The following TDRP variants were observed in gnomAD, a reference collection of about 807,000 sequenced individuals.
The protein encoded by TDRP is testis development related protein, also known as testis development-related protein.
Under a neutral mutation model 10.5 loss-of-function variants are expected in TDRP, and 12 were observed. The observed-to-expected ratio is 1.15, with a 90% CI of 0.73 to 1.86. TDRP has a LOEUF of 1.86. Ranked by LOEUF, TDRP falls within the 40% of genes most tolerant of loss-of-function variation. The probability of loss-of-function intolerance (pLI) is 0.00; values close to 1 mark genes in which losing one functional copy is unlikely to be tolerated. For missense variants in TDRP, 353 were observed against 229.2 expected (o/e 1.54, Z -3.49); for synonymous variants, 139 against 95.4 (o/e 1.46, Z -2.67).
At chr8:514,263 G>A (rs567761401) in intron 1 of TDRP, among the ~76,000 whole-genome samples, 2 of 152,330 alleles carry the variant, frequency 1.3e-5, no homozygotes, top group African/African-American at 4.8e-5. Flanking sequence ...ATCAATGACA[G>A]ATGAATGGAA....
At chr8:532,413 C>G (rs1320254210) in intron 1 of TDRP, among the ~76,000 whole-genome samples, 1 of 152,196 alleles carries the variant, frequency 6.6e-6, no homozygotes, top group Non-Finnish European at 1.5e-5. Flanking sequence ...TCACACAGTT[C>G]TTGCTGACTA....
chr8:544,569 TC>T, intron 1 of TDRP, 80 bp downstream of exon 1: 1 of 993,506 alleles, frequency 1.0e-6, no homozygotes, highest in Non-Finnish European at 1.3e-6. Flanking sequence ...TACCCGCACC[TC>T]CACCTGCGCG....
intron 1 of TDRP, among the ~76,000 whole-genome samples, chr8:503,904 C>T (rs1478265308): frequency 2.0e-5 from 3 of 149,766 alleles, no homozygotes; most frequent in South Asian, 2.1e-4. Context: ...AACCCACCCC[C>T]ACCTCAGCAC....
intron 1 of TDRP, among the ~76,000 whole-genome samples, chr8:540,012 AT>A (rs1489847755): frequency 6.6e-6 from 1 of 152,248 alleles, no homozygotes; most frequent in East Asian, 1.9e-4. Flanking sequence ...TTAGAAAGCC[AT>A]TAGTTAAGCC....
At chr8:512,648 CAAG>C (rs1801650156) in intron 1 of TDRP, among the ~76,000 whole-genome samples, 1 of 151,346 alleles carries the variant, frequency 6.6e-6, no homozygotes, top group African/African-American at 2.4e-5. Context: ...AAAACTGACT[CAAG>C]AAGAAACACA....
At chr8:492,806 A>T in intron 2 of TDRP, 62 bp from the exon 3 acceptor site, 1 of 1,258,408 alleles carries the variant, frequency 7.9e-7, no homozygotes, top group East Asian at 2.4e-5. Flanking sequence ...AGCTTTATCC[A>T]TTTTACAAAC....
At chr8:544,551 C>G in intron 1 of TDRP, 99 bp downstream of exon 1, 1 of 831,396 alleles carries the variant, frequency 1.2e-6, no homozygotes, top group Non-Finnish European at 1.6e-6. Flanking sequence ...CCAAACTGTG[C>G]CCCCAACTAC....
chr8:498,279 A>G (rs1801188473), intron 1 of TDRP, among the ~76,000 whole-genome samples: 1 of 152,214 alleles, frequency 6.6e-6, no homozygotes, highest in East Asian at 1.9e-4. Context: ...GCAGAGCCAC[A>G]GGGTCTGTGG....
chr8:501,812 A>G (rs1801309990), intron 1 of TDRP, among the ~76,000 whole-genome samples: 1 of 152,210 alleles, frequency 6.6e-6, no homozygotes, highest in South Asian at 2.1e-4. Flanking sequence ...TGCCGTTATC[A>G]ACCACAGGGC....
intron 1 of TDRP, among the ~76,000 whole-genome samples, chr8:527,772 T>C (rs908154877): frequency 6.6e-6 from 1 of 152,088 alleles, no homozygotes; most frequent in Non-Finnish European, 1.5e-5. Flanking sequence ...TCAAAATGGA[T>C]TAAAGACTTA....
At chr8:497,647 A>G (rs527266678) in intron 1 of TDRP, among the ~76,000 whole-genome samples, 1 of 152,328 alleles carries the variant, frequency 6.6e-6, no homozygotes, top group South Asian at 2.1e-4. Flanking sequence ...CAGCTGCAAA[A>G]ATTTGCATAA....
At chr8:495,905 C>T (rs2116718052) in intron 1 of TDRP, among the ~76,000 whole-genome samples, 1 of 152,324 alleles carries the variant, frequency 6.6e-6, no homozygotes. Context: ...AGGGGTCCCA[C>T]TTTTACTTCC....
rs370273376 is a variant in TDRP at position 536,112 on chromosome 8, G to A, written c.108+8538C>T. Among the ~76,000 whole-genome samples the A allele has an allele frequency of 4.6e-5, 7 of 152,342 alleles. No individual in the cohort carries two copies. In the East Asian group the frequency reaches 1.3e-3, roughly 29 times the overall value. Reference sequence around the variant, plus strand: ...TTTCAACCTATTATTAACATTTACAGGTGAAGATTATACAGAGTAATATGC... The same window carrying A: ...TTTCAACCTATTATTAACATTTACAAGTGAAGATTATACAGAGTAATATGC... On this transcript the variant is annotated intron_variant, in intron 1 of 2. Coordinates refer to ENST00000324079, the MANE Select transcript of TDRP (RefSeq NM_001384899.1).
intron 1 of TDRP, among the ~76,000 whole-genome samples, chr8:502,245 C>T (rs554501191): frequency 2.0e-5 from 3 of 152,360 alleles, no homozygotes; most frequent in Middle Eastern, 3.4e-3. Flanking sequence ...TTTAAACACA[C>T]TGAAGCTATT....
In TDRP at chr8:491,256, C is replaced by A. The variant is rs573002997; in HGVS notation, c.*1143G>T. Reference sequence around the variant, plus strand: ...TACGTGAGGGGAATGCACAGTGTAACTGGAGGTTTTATTTTACTTTTAAAC... The same window carrying A: ...TACGTGAGGGGAATGCACAGTGTAAATGGAGGTTTTATTTTACTTTTAAAC... On this transcript the variant is annotated 3_prime_UTR_variant, in exon 3 of 3. Transcript: ENST00000324079. The A allele has an allele frequency of 1.1e-5, 2 of 177,668 alleles. No individual in the cohort carries two copies. Among genetic ancestry groups the A allele is most frequent in the African/African-American group, 4.7e-5 (2 of 42,666 alleles). 11.0% of individuals were successfully genotyped at this position (177,668 alleles called of 1,614,324 possible).
intron 1 of TDRP, among the ~76,000 whole-genome samples, chr8:526,122 C>G (rs1802028472): frequency 6.6e-6 from 1 of 152,074 alleles, no homozygotes; most frequent in South Asian, 2.1e-4. Context: ...CTTTAGTGAG[C>G]CTTTGAATTT....
intron 1 of TDRP, among the ~76,000 whole-genome samples, chr8:517,779 T>C (rs1362601696): frequency 6.6e-6 from 1 of 152,232 alleles, no homozygotes; most frequent in African/African-American, 2.4e-5. Flanking sequence ...TGTCTCAGAA[T>C]AAATCTATTC....
At chr8:505,958 C>G (rs867707923) in intron 1 of TDRP, among the ~76,000 whole-genome samples, 1 of 152,140 alleles carries the variant, frequency 6.6e-6, no homozygotes, top group Non-Finnish European at 1.5e-5. Flanking sequence ...GGTCCCTAAG[C>G]AGCAGGGTAG....
At chr8:532,350 T>C (rs1802226849) in intron 1 of TDRP, among the ~76,000 whole-genome samples, 1 of 152,180 alleles carries the variant, frequency 6.6e-6, no homozygotes. Flanking sequence ...CTGCAATCTG[T>C]CTCAGAAGGG....
Sources: allele counts gnomAD v4.1 joint callset (sites outside exome capture counted in the v4.1 genomes callset), GRCh38; gene constraint gnomAD v4.1.1; transcripts MANE v1.5; gene names NCBI Gene and HGNC (gene_info 2026-07-23, HGNC 2026-07-21).